HNRNPA1: variants seen among roughly 807,000 people sequenced by gnomAD.
The protein encoded by HNRNPA1 is epididymis secretory sperm binding protein.
HNRNPA1 carries 7 observed loss-of-function variants against 44.4 expected under a neutral mutation model. The ratio of observed to expected loss-of-function variants is 0.16; its 90% CI spans 0.09 to 0.30. HNRNPA1 has a LOEUF of 0.30. HNRNPA1 is among the 10% of genes least tolerant of loss of function. The probability of loss-of-function intolerance (pLI) is 1.00; values close to 1 mark genes in which losing one functional copy is unlikely to be tolerated. For missense variants in HNRNPA1, 193 were observed against 465.8 expected, an observed-to-expected ratio of 0.41 and a Z score of 5.39; for synonymous variants, 169 against 160.6, an observed-to-expected ratio of 1.05 and a Z score of -0.40.
At position 54,286,995 on chromosome 12, in the gene HNRNPA1, T is replaced by G. The variant is rs1302430719; in HGVS notation, c.*2451T>G. On this transcript the variant is annotated 3_prime_UTR_variant, in exon 11 of 11. Transcript: ENST00000340913. ...CCTTTATCTGAGCCACTGTACTTCG[T>G]TATCACTGCCATGCAGTTTACATGA... 1 of 152,184 alleles carries G rather than the reference T, an allele frequency of 6.6e-6. No individual in the cohort carries two copies. The highest frequency in any genetic ancestry group is 2.4e-5 in the African/African-American group (1 of 41,448). The allele number at this position is 152,184 out of a possible 1,614,324, so 9.4% of individuals were successfully genotyped here.
intron 9 of HNRNPA1, 108 bp downstream of exon 9, chr12:54,284,075 A>G: frequency 7.3e-7 from 1 of 1,376,922 alleles, no homozygotes; most frequent in Non-Finnish European, 9.9e-7. Context: ...TTTATAGTTT[A>G]GAACCTTCAG....
At chr12:54,281,630 T>A (rs566250495) in intron 2 of HNRNPA1, 128 bp downstream of exon 2, 1 of 1,009,226 alleles carries the variant, frequency 9.9e-7, no homozygotes, top group Non-Finnish European at 1.5e-6. Context: ...CAAAGGAACG[T>A]CCTGCTTTGA....
In HNRNPA1 at chr12:54,284,902, T is replaced by C. The variant is rs1944240506; in HGVS notation, c.*358T>C. 3.7e-6 allele frequency: 1 copy of C among 271,400 alleles called. No homozygotes were observed. Among genetic ancestry groups the C allele is most frequent in the South Asian group, 3.6e-5 (1 of 27,832 alleles). The allele number at this position is 271,400 out of a possible 1,614,324, so 16.8% of individuals were successfully genotyped here. Reference sequence around the variant, plus strand: ...TTTAATGTGCTGTGTAAAGTTAGTCTACTCTTAAGCCATCTTGGTAAATTT... The same window carrying C: ...TTTAATGTGCTGTGTAAAGTTAGTCCACTCTTAAGCCATCTTGGTAAATTT... On this transcript the variant is annotated 3_prime_UTR_variant, in exon 11 of 11. Transcript: ENST00000340913.
rs1471754090 is a variant in HNRNPA1 at position 54,285,693 on chromosome 12, T to G, written c.*1149T>G. 1 of 152,226 alleles carries G rather than the reference T, an allele frequency of 6.6e-6. No homozygotes were observed. The highest frequency in any genetic ancestry group is 6.5e-5 in the Admixed American group (1 of 15,276). 9.4% of individuals were successfully genotyped at this position (152,226 alleles called of 1,614,324 possible). On this transcript the variant is annotated 3_prime_UTR_variant, in exon 11 of 11. Coordinates refer to ENST00000340913, the MANE Select transcript of HNRNPA1 (RefSeq NM_031157.4). ...TGTTAATTGTATAGAAAATGATTTC[T>G]AAACCTTTAACAGTTAATATCCAAT...
intron 5 of HNRNPA1, 42 bp downstream of exon 5, chr12:54,282,528 T>C (rs766839573): frequency 6.2e-7 from 1 of 1,609,720 alleles, no homozygotes; most frequent in South Asian, 1.1e-5. Context: ...TAACTTTGAG[T>C]TACTCCAGTA....
Position 54,284,941 on chromosome 12 carries a change from A to G in HNRNPA1, c.*397A>G, listed in dbSNP as rs943970990. 1 of 240,554 alleles carries G rather than the reference A, an allele frequency of 4.2e-6. No homozygotes were observed. The highest frequency in any genetic ancestry group is 8.4e-6 in the Non-Finnish European group (1 of 119,062). 14.9% of individuals were successfully genotyped at this position (240,554 alleles called of 1,614,324 possible). On this transcript the variant is annotated 3_prime_UTR_variant, in exon 11 of 11. Transcript: ENST00000340913. ...CTTGGTAAATTTCCCCAACAGTGTGAAGTTAGAATTCCTTCAGGGTGATGC... is the reference window on the plus strand; with the variant it reads ...CTTGGTAAATTTCCCCAACAGTGTGGAGTTAGAATTCCTTCAGGGTGATGC...
chr12:54,281,929 T>C lies in HNRNPA1; in HGVS notation c.267T>C (p.Ala89=), dbSNP rs1337278643. ...GAAGAGTTGTGGAACCAAAGAGAGC[T>C]GTCTCCAGAGAAGTGAGTGGGTTTT... ...VDGRVVEPKR[A]VSREDSQRPG... The change falls in exon 3 of 11, where the codon GCT becomes GCC. Residue 89 remains alanine, a synonymous_variant. Coordinates refer to ENST00000340913, the MANE Select transcript of HNRNPA1 (RefSeq NM_031157.4). The C allele has an allele frequency of 1.2e-6, 2 of 1,613,538 alleles. No individual in the cohort carries two copies. Among genetic ancestry groups the C allele is most frequent in the East Asian group, 2.2e-5 (1 of 44,890 alleles).
intron 9 of HNRNPA1, 42 bp from the exon 10 acceptor site, chr12:54,284,216 G>A (rs377492802): frequency 3.1e-5 from 49 of 1,591,460 alleles, no homozygotes; most frequent in Admixed American, 2.0e-4. Context: ...AAACATTACT[G>A]TTGGCACTTT....
Position 54,282,385 on chromosome 12 carries a change from T to G in HNRNPA1, c.491-9T>G, listed in dbSNP as rs1314619808. 1.2e-6 allele frequency: 2 copies of G among 1,613,640 alleles called. No individual in the cohort carries two copies. Among genetic ancestry groups the G allele is most frequent in the Admixed American group, 1.7e-5 (1 of 60,004 alleles). Reference sequence around the variant, plus strand: ...CTGATACCATGTTGTATCTATGTTTTTTTTTTAGTTCAGAAATACCATACT... The same window carrying G: ...CTGATACCATGTTGTATCTATGTTTGTTTTTTAGTTCAGAAATACCATACT... On this transcript the variant is annotated splice_polypyrimidine_tract_variant and intron_variant, in intron 4 of 10. Coordinates refer to ENST00000340913, the MANE Select transcript of HNRNPA1 (RefSeq NM_031157.4).
rs1048199361 is a variant in HNRNPA1 at position 54,285,011 on chromosome 12, G to T, written c.*467G>T. 1 of 194,874 alleles carries T rather than the reference G, an allele frequency of 5.1e-6. No individual in the cohort carries two copies. The highest frequency in any genetic ancestry group is 5.5e-5 in the Admixed American group (1 of 18,218). The allele number at this position is 194,874 out of a possible 1,614,324, so 12.1% of individuals were successfully genotyped here. ...ATATACAACCTGCTTGGGTGGAGAA[G>T]CCATTGTCTTCGGAAACCTTGGTGT... On this transcript the variant is annotated 3_prime_UTR_variant, in exon 11 of 11. Coordinates refer to ENST00000340913, the MANE Select transcript of HNRNPA1 (RefSeq NM_031157.4).
At position 54,280,779 on chromosome 12, in the gene HNRNPA1, T is replaced by C. The variant is rs776129895; in HGVS notation, c.-29T>C. ...GCCCGTGGACGCCGCCGAAGAAGCATCGTTAAAGTCTCTCTTCACCCTGCC... is the reference window on the plus strand; with the variant it reads ...GCCCGTGGACGCCGCCGAAGAAGCACCGTTAAAGTCTCTCTTCACCCTGCC... On this transcript the variant is annotated 5_prime_UTR_variant, in exon 1 of 11. Transcript: ENST00000340913. 1.1e-5 allele frequency: 17 copies of C among 1,613,988 alleles called. No individual in the cohort carries two copies. In the Admixed American group the frequency reaches 1.2e-4, roughly 11 times the overall value.
rs190018625 is a variant in HNRNPA1, at chr12:54,280,850, A to G, written c.15+28A>G. The G allele has an allele frequency of 6.0e-5, 96 of 1,613,200 alleles. No individual in the cohort carries two copies. The East Asian group carries it at 2.1e-3, about 36-fold the overall frequency. On this transcript the variant is annotated intron_variant, in intron 1 of 10. Coordinates refer to ENST00000340913, the MANE Select transcript of HNRNPA1 (RefSeq NM_031157.4). ...GAGTTAGGCGCGCTTTCCCACTTGA[A>G]TTTTTTCCTCTCCCTTTCCTGAATC...
rs1347320360 is a variant in HNRNPA1, at chr12:54,284,770, T to G, written c.*226T>G. On this transcript the variant is annotated 3_prime_UTR_variant, in exon 11 of 11. Coordinates refer to ENST00000340913, the MANE Select transcript of HNRNPA1 (RefSeq NM_031157.4). ...TTTAGTTTCTGTTCTGTGGAAAGTG[T>G]AAAGCATTCCAACAAAGGGTTTTAA... The G allele has an allele frequency of 2.7e-6, 1 of 368,940 alleles. No homozygotes were observed. Among genetic ancestry groups the G allele is most frequent in the Non-Finnish European group, 5.3e-6 (1 of 189,160 alleles). 22.9% of individuals were successfully genotyped at this position (368,940 alleles called of 1,614,324 possible). A position where few individuals can be genotyped will look rare whatever the true frequency, so the allele number is the denominator to read the frequency against.
chr12:54,280,754 G>T lies in HNRNPA1; in HGVS notation c.-54G>T. The T allele has an allele frequency of 1.2e-6, 2 of 1,611,030 alleles. No homozygotes were observed. Among genetic ancestry groups the T allele is most frequent in the East Asian group, 2.2e-5 (1 of 44,864 alleles). On this transcript the variant is annotated 5_prime_UTR_variant, in exon 1 of 11. Coordinates refer to ENST00000340913, the MANE Select transcript of HNRNPA1 (RefSeq NM_031157.4). ...TACGTTCGTCAGCTTGCTCCTTTCT[G>T]CCCGTGGACGCCGCCGAAGAAGCAT... is the stretch of plus-strand genomic sequence containing the variant.
rs767380205 is a variant in HNRNPA1, at chr12:54,282,172, T to C, written c.362T>C (p.Leu121Pro). 6.2e-7 allele frequency: 1 copy of C among 1,600,562 alleles called. No individual in the cohort carries two copies. The highest frequency in any genetic ancestry group is 1.7e-5 in the Admixed American group (1 of 59,994). Reference protein sequence around the residue: ...GIKEDTEEHHLRDYFEQYGKI... With the variant: ...GIKEDTEEHHPRDYFEQYGKI... ...AAAGAAGACACTGAAGAACATCACCTAAGAGATTATTTTGAACAGTATGGA... is the reference window on the plus strand; with the variant it reads ...AAAGAAGACACTGAAGAACATCACCCAAGAGATTATTTTGAACAGTATGGA... The change falls in exon 4 of 11, where the codon CTA becomes CCA. Residue 121 changes from leucine (L) to proline (P), a missense_variant. Around this residue, in one of 2 missense-constraint regions of HNRNPA1, gnomAD observed 57 missense variants for 231.3 expected, o/e 0.25. Transcript: ENST00000340913.
intron 1 of HNRNPA1, 130 bp from the exon 2 acceptor site, chr12:54,281,256 C>T (rs573784543): frequency 2.7e-6 from 2 of 727,958 alleles, no homozygotes; most frequent in South Asian, 3.1e-5. Context: ...TAGGCAGAAG[C>T]ACGTGTCTTG....
intron 3 of HNRNPA1, 40 bp downstream of exon 3, chr12:54,281,981 G>A (rs1362798114): frequency 6.2e-7 from 1 of 1,609,384 alleles, no homozygotes; most frequent in Non-Finnish European, 8.5e-7. Flanking sequence ...AAACTTACTT[G>A]GATATGTGCT....
In HNRNPA1 at chr12:54,284,705, C is replaced by T; in HGVS notation, c.*161C>T. On this transcript the variant is annotated 3_prime_UTR_variant, in exon 11 of 11. Transcript: ENST00000340913. ...AATACTCATGTGTATGGGCAAAAAA[C>T]TCGAGGACTGTATTTGTGACTAATT... 1 of 473,608 alleles carries T rather than the reference C, an allele frequency of 2.1e-6. No homozygotes were observed. Among genetic ancestry groups the T allele is most frequent in the Non-Finnish European group, 4.1e-6 (1 of 241,622 alleles). 29.3% of individuals were successfully genotyped at this position (473,608 alleles called of 1,614,324 possible).
chr12:54,281,985 A>G, intron 3 of HNRNPA1, 44 bp downstream of exon 3: 1 of 1,608,038 alleles, frequency 6.2e-7, no homozygotes. Context: ...TTACTTGGAT[A>G]TGTGCTGCTA....
Sources: allele counts gnomAD v4.1 joint callset, GRCh38; gene constraint gnomAD v4.1.1; regional missense constraint gnomAD v4.1.1; transcripts MANE v1.5; gene names NCBI Gene and HGNC (gene_info 2026-07-23, HGNC 2026-07-21).